The following FLT1 variants were observed in gnomAD, a reference collection of about 807,000 sequenced individuals.
FLT1 encodes vascular endothelial growth factor receptor 1.
Under a neutral mutation model 156.3 loss-of-function variants are expected in FLT1, and 49 were observed. The observed-to-expected ratio is 0.31, with a 90% confidence interval of 0.25 to 0.40. FLT1 has a LOEUF of 0.40. Ranked by LOEUF, FLT1 falls within the 10% of genes least tolerant of loss-of-function variation. FLT1 has a pLI of 1.00. For missense variants in FLT1, 1,322 were observed against 1,637.2 expected (o/e 0.81, Z 3.32); for synonymous variants, 594 against 583.8 (o/e 1.02, Z -0.25).
chr13:28,409,539 T>C (rs780752147), intron 10 of FLT1, among the ~76,000 whole-genome samples: 1 of 152,056 alleles, frequency 6.6e-6, no homozygotes, highest in Non-Finnish European at 1.5e-5. Flanking sequence ...TTAACCATGT[T>C]GCCCAGGCTG....
At chr13:28,413,527 G>A (rs1876453088) in intron 10 of FLT1, among the ~76,000 whole-genome samples, 1 of 152,050 alleles carries the variant, frequency 6.6e-6, no homozygotes, top group Non-Finnish European at 1.5e-5. Flanking sequence ...GAGCCTCACA[G>A]GATACCTATT....
intron 11 of FLT1, among the ~76,000 whole-genome samples, chr13:28,401,424 T>C (rs1027020098): frequency 2.0e-5 from 3 of 152,166 alleles, no homozygotes; most frequent in Admixed American, 6.5e-5. Flanking sequence ...TACTGTAAGT[T>C]TGGAGTTTTT....
At chr13:28,393,787 A>G (rs894724747) in intron 12 of FLT1, among the ~76,000 whole-genome samples, 6 of 152,078 alleles carry the variant, frequency 3.9e-5, no homozygotes, top group Non-Finnish European at 8.8e-5. Context: ...GGATTTTGCC[A>G]TGTTTCCCAG....
At chr13:28,386,881 T>C (rs1874397148) in intron 13 of FLT1, 13 of 1,047,970 alleles carry the variant, frequency 1.2e-5, no homozygotes, top group Non-Finnish European at 1.5e-5. Flanking sequence ...ATACTTTTAA[T>C]AGCTTCCTCA....
chr13:28,474,675 A>AG (rs1880450001), intron 1 of FLT1, among the ~76,000 whole-genome samples: 2 of 152,270 alleles, frequency 1.3e-5, no homozygotes, highest in Admixed American at 1.3e-4. Context: ...GAGGGGATGG[A>AG]GGGTGACTGA....
At chr13:28,452,068 G>A in intron 3 of FLT1, among the ~76,000 whole-genome samples, 1 of 152,284 alleles carries the variant, frequency 6.6e-6, no homozygotes, top group East Asian at 1.9e-4. Flanking sequence ...TTAAGCATTG[G>A]CAGCTAAAAG....
intron 22 of FLT1, 104 bp from the exon 23 acceptor site, chr13:28,321,689 G>T: frequency 8.6e-7 from 1 of 1,159,222 alleles, no homozygotes; most frequent in Non-Finnish European, 1.3e-6. Context: ...CATTTCACAT[G>T]CTGTGAAGGG....
At chr13:28,442,701 T>TACACACAC (rs111263665) in intron 3 of FLT1, among the ~76,000 whole-genome samples, 2,558 of 146,976 alleles carry the variant, frequency 0.017, 48 homozygotes, top group African/African-American at 0.051. Context: ...TGACTGTAGA[T>TACACACAC]ACACACACAC....
At chr13:28,345,660 G>A (rs904321000) in intron 15 of FLT1, 109 bp from the exon 16 acceptor site, 32 of 738,650 alleles carry the variant, frequency 4.3e-5, no homozygotes, top group African/African-American at 1.7e-4. Flanking sequence ...TTATCATAGC[G>A]AACCCAATCT....
At chr13:28,406,897 A>G (rs1432420615) in intron 10 of FLT1, among the ~76,000 whole-genome samples, 1 of 152,210 alleles carries the variant, frequency 6.6e-6, no homozygotes, top group African/African-American at 2.4e-5. Flanking sequence ...AGTCAGTGAG[A>G]AAAAGGGGAA....
At position 28,300,521 on chromosome 13, in the gene FLT1, C is replaced by CCACACACACACA. The variant is rs57419092; in HGVS notation, c.*2634_*2645dup. 93 of 225,634 alleles carry CCACACACACACA rather than the reference C, an allele frequency of 4.1e-4. 1 individual carries two copies. The highest frequency in any genetic ancestry group is 2.0e-3 in the African/African-American group (87 of 42,868). 14.0% of individuals were successfully genotyped at this position (225,634 alleles called of 1,614,324 possible). ...AGTTATGCACAAAACACACATACAC[C>CCACACACACACA]CACACACACACACACACACACACAC... On this transcript the variant is annotated 3_prime_UTR_variant, in exon 30 of 30. Coordinates refer to ENST00000282397, the MANE Select transcript of FLT1 (RefSeq NM_002019.4).
chr13:28,479,105 C>T (rs1327056013), intron 1 of FLT1, among the ~76,000 whole-genome samples: 1 of 152,156 alleles, frequency 6.6e-6, no homozygotes, highest in Non-Finnish European at 1.5e-5. Context: ...TTTAAATTCA[C>T]CCACTAACAG....
intron 6 of FLT1, among the ~76,000 whole-genome samples, chr13:28,432,862 T>C (rs890716933): frequency 6.6e-6 from 1 of 152,242 alleles, no homozygotes; most frequent in Non-Finnish European, 1.5e-5. Context: ...AAAATATTGC[T>C]ACAAGCCATA....
chr13:28,443,363 A>G (rs573947960), intron 3 of FLT1, among the ~76,000 whole-genome samples: 7 of 152,332 alleles, frequency 4.6e-5, no homozygotes, highest in Admixed American at 1.3e-4. Flanking sequence ...GCATACAGAC[A>G]TAGTGGCCCC....
At chr13:28,427,479 A>G (rs1440107072) in intron 9 of FLT1, among the ~76,000 whole-genome samples, 161 bp from the exon 10 acceptor site, 6 of 152,194 alleles carry the variant, frequency 3.9e-5, no homozygotes, top group Non-Finnish European at 7.3e-5. Flanking sequence ...GAAAATGCAG[A>G]TTTTTAAAAG....
At chr13:28,338,423 C>T (rs1043985915) in intron 17 of FLT1, among the ~76,000 whole-genome samples, 4 of 152,122 alleles carry the variant, frequency 2.6e-5, no homozygotes, top group African/African-American at 9.7e-5. Flanking sequence ...AATTGAGGTT[C>T]CAATTGTTTT....
chr13:28,375,149 G>A (rs188697834), intron 14 of FLT1, among the ~76,000 whole-genome samples: 2 of 152,332 alleles, frequency 1.3e-5, no homozygotes, highest in Admixed American at 6.5e-5. Flanking sequence ...GCATGTAGGT[G>A]CAAGACCTAA....
intron 10 of FLT1, among the ~76,000 whole-genome samples, chr13:28,408,205 T>C (rs1283739059): frequency 3.3e-5 from 5 of 152,170 alleles, no homozygotes; most frequent in Non-Finnish European, 7.3e-5. Flanking sequence ...CAAAGAAATA[T>C]GTTAGAGTAA....
intron 10 of FLT1, among the ~76,000 whole-genome samples, chr13:28,416,089 A>G (rs1057283369): frequency 6.6e-6 from 1 of 152,230 alleles, no homozygotes; most frequent in Non-Finnish European, 1.5e-5. Context: ...TGTGCTGAGT[A>G]CTTCACACCT....
Sources: allele counts gnomAD v4.1 joint callset (sites outside exome capture counted in the v4.1 genomes callset), GRCh38; gene constraint gnomAD v4.1.1; transcripts MANE v1.5; gene names NCBI Gene and HGNC (gene_info 2026-07-23, HGNC 2026-07-21).